TRDN: variants seen among roughly 807,000 people sequenced by gnomAD.
TRDN encodes triadin in skeletal muscle.
In TRDN, 161 loss-of-function variants were observed where a neutral mutation model predicts 149.7. The observed-to-expected ratio is 1.08, with a 90% CI of 0.95 to 1.23. The LOEUF (loss-of-function observed/expected upper bound fraction) is 1.23, where lower values mean the gene tolerates loss of function less well. TRDN is among the 50% of genes most tolerant of loss of function. TRDN has a pLI of 0.00. For missense variants in TRDN, 896 were observed against 823.5 expected (o/e 1.09, Z -1.08); for synonymous variants, 294 against 250.5 (o/e 1.17, Z -1.64).
chr6:123,592,781 AC>A (rs1270614073), intron 1 of TRDN, among the ~76,000 whole-genome samples: 1 of 152,150 alleles, frequency 6.6e-6, no homozygotes, highest in Non-Finnish European at 1.5e-5. Context: ...TGTTTTTGGA[AC>A]CTACTAAGCA....
intron 12 of TRDN, among the ~76,000 whole-genome samples, chr6:123,423,131 A>G (rs990888920): frequency 8.5e-5 from 13 of 152,294 alleles, no homozygotes; most frequent in Admixed American, 6.5e-4. Flanking sequence ...TTTATACTCC[A>G]GCTATAAAAT....
At chr6:123,543,263 T>C (rs1780941329) in intron 4 of TRDN, among the ~76,000 whole-genome samples, 1 of 152,154 alleles carries the variant, frequency 6.6e-6, no homozygotes, top group African/African-American at 2.4e-5. Flanking sequence ...AAAACTCCAT[T>C]ACTGTCATTT....
intron 10 of TRDN, among the ~76,000 whole-genome samples, chr6:123,440,259 G>A (rs753412965): frequency 1.3e-4 from 20 of 152,210 alleles, no homozygotes; most frequent in Admixed American, 2.6e-4. Context: ...TTCACACTTT[G>A]TCTAAAAGTG....
intron 1 of TRDN, among the ~76,000 whole-genome samples, chr6:123,615,099 T>C (rs780744317): frequency 6.6e-6 from 1 of 152,076 alleles, no homozygotes; most frequent in African/African-American, 2.4e-5. Context: ...AACACCATAA[T>C]GAGATATCTC....
intron 12 of TRDN, among the ~76,000 whole-genome samples, chr6:123,422,918 G>T (rs1773969873): frequency 6.6e-6 from 1 of 152,058 alleles, no homozygotes; most frequent in South Asian, 2.1e-4. Flanking sequence ...CCTTCAAGGG[G>T]CTATTAGGAA....
At chr6:123,233,958 C>A (rs1003286246) in intron 38 of TRDN, among the ~76,000 whole-genome samples, 1 of 151,944 alleles carries the variant, frequency 6.6e-6, no homozygotes, top group African/African-American at 2.4e-5. Flanking sequence ...TATCATATAC[C>A]AATCCCTATT....
chr6:123,294,149 TTAA>T (rs1778106787), intron 24 of TRDN, among the ~76,000 whole-genome samples: 1 of 152,166 alleles, frequency 6.6e-6, no homozygotes, highest in African/African-American at 2.4e-5. Flanking sequence ...TTCTGTAAAG[TTAA>T]TAATAAAACA....
In TRDN at chr6:123,304,685, G is replaced by A. The variant is rs1031014770; in HGVS notation, c.1510+11772C>T. Reference sequence around the variant, plus strand: ...TTGTCTGACAAAAAACTGTGTTTTCGGTGCACAGCATTAAACACAGGTTTC... The same window carrying A: ...TTGTCTGACAAAAAACTGTGTTTTCAGTGCACAGCATTAAACACAGGTTTC... On this transcript the variant is annotated intron_variant, in intron 24 of 40. Transcript: ENST00000334268. Among the ~76,000 whole-genome samples the A allele has an allele frequency of 1.1e-4, 16 of 151,648 alleles. 1 individual carries two copies. The highest frequency in any genetic ancestry group is 4.2e-4 in the South Asian group (2 of 4,808).
rs571453435 is a variant in TRDN at position 123,309,706 on chromosome 6, G to A, written c.1510+6751C>T. Among the ~76,000 whole-genome samples, 7 of 151,438 alleles carry A rather than the reference G, an allele frequency of 4.6e-5. No homozygotes were observed. In the East Asian group the frequency reaches 7.8e-4, roughly 17 times the overall value. ...TTCAATAAATACATTGAAAATTTTG[G>A]GGAGGTTTGCAACAATTTGAAAAAA... On this transcript the variant is annotated intron_variant, in intron 24 of 40. Coordinates refer to ENST00000334268, the MANE Select transcript of TRDN (RefSeq NM_006073.4).
At chr6:123,357,865 G>A (rs745317642) in intron 20 of TRDN, among the ~76,000 whole-genome samples, 3 of 152,260 alleles carry the variant, frequency 2.0e-5, no homozygotes, top group Admixed American at 1.3e-4. Context: ...AATAGAGAAG[G>A]CTAGTCCCTT....
chr6:123,446,925 CA>C (rs1253587746), intron 10 of TRDN, among the ~76,000 whole-genome samples: 1 of 150,516 alleles, frequency 6.6e-6, no homozygotes, highest in Non-Finnish European at 1.5e-5. Context: ...TTTTTTTTTC[CA>C]AAAATTTCCT....
chr6:123,237,497 C>T (rs765219679), intron 38 of TRDN, among the ~76,000 whole-genome samples: 3 of 152,172 alleles, frequency 2.0e-5, no homozygotes, highest in Non-Finnish European at 4.4e-5. Context: ...AACTGCCCGC[C>T]TCAGCCTCCC....
chr6:123,635,508 G>A (rs1266040194), intron 1 of TRDN, among the ~76,000 whole-genome samples: 1 of 151,706 alleles, frequency 6.6e-6, no homozygotes. Context: ...CACACATAAC[G>A]TTCTGAGCAA....
intron 21 of TRDN, chr6:123,350,793 C>A (rs554838126): frequency 1.0e-6 from 1 of 979,460 alleles, no homozygotes; most frequent in South Asian, 4.7e-5. Flanking sequence ...ATAAAAATAG[C>A]CATTGAAAGA....
chr6:123,438,943 C>A lies in TRDN; in HGVS notation c.991+1G>T. The A allele has an allele frequency of 6.4e-7, 1 of 1,558,244 alleles. No homozygotes were observed. The highest frequency in any genetic ancestry group is 1.2e-5 in the South Asian group (1 of 84,012). ...TGGTACATGGCTTTTAAATTTCCTA[C>A]CTTTCTTTTTTGTTTCAGAAGTAAC... is the stretch of plus-strand genomic sequence containing the variant. On this transcript the variant is annotated splice_donor_variant, in intron 11 of 40. Transcript: ENST00000334268. LOFTEE classifies it high-confidence loss of function.
Position 123,439,007 on chromosome 6 carries a change from G to C in TRDN, c.932-4C>G, listed in dbSNP as rs77768246. ...TTCTTCTTTTCCCCTTCTTTTTCTA[G>C]AGAATACATTTAAAATATTTCCTTT... On this transcript the variant is annotated splice_polypyrimidine_tract_variant and splice_region_variant and intron_variant, in intron 10 of 40. Transcript: ENST00000334268. 2,227 of 1,544,922 alleles carry C rather than the reference G, an allele frequency of 1.4e-3. 52 individuals carry two copies. In the East Asian group the frequency reaches 0.045, roughly 31 times the overall value.
chr6:123,603,086 T>C (rs999713481), intron 1 of TRDN, among the ~76,000 whole-genome samples: 1 of 69,886 alleles, frequency 1.4e-5, no homozygotes, highest in African/African-American at 4.4e-5. Context: ...AGGACTAATG[T>C]ATAACAAATG....
intron 1 of TRDN, among the ~76,000 whole-genome samples, chr6:123,571,489 GT>G (rs985339224): frequency 7.1e-6 from 1 of 141,466 alleles, no homozygotes; most frequent in African/African-American, 2.9e-5. Flanking sequence ...GGTCATTCAT[GT>G]TTTGTTTGTT....
At chr6:123,473,320 G>C (rs932524185) in intron 9 of TRDN, among the ~76,000 whole-genome samples, 1 of 152,074 alleles carries the variant, frequency 6.6e-6, no homozygotes, top group Non-Finnish European at 1.5e-5. Context: ...GAGCCGATGC[G>C]ATCAACTGGA....
Sources: allele counts gnomAD v4.1 joint callset (sites outside exome capture counted in the v4.1 genomes callset), GRCh38; gene constraint gnomAD v4.1.1; transcripts MANE v1.5; gene names NCBI Gene and HGNC (gene_info 2026-07-23, HGNC 2026-07-21).